Variants in TENM4 observed in about 807,000 individuals in gnomAD.
TENM4 encodes the protein teneurin-4.
A neutral mutation model predicts 243.3 loss-of-function variants in TENM4; 82 were observed. That is an observed-to-expected ratio of 0.34 (90% CI 0.28 to 0.40). TENM4 has a LOEUF of 0.40. TENM4 is among the 10% of genes least tolerant of loss of function. The pLI, the probability that TENM4 is intolerant of heterozygous loss-of-function variation, is 1.00. For synonymous variants in TENM4, 1,412 were observed against 1,456.3 expected (o/e 0.97, Z 0.69); for missense variants, 3,138 against 3,673.3 (o/e 0.85, Z 3.77).
chr11:79,008,982 T>A (rs1858571053), intron 6 of TENM4, among the ~76,000 whole-genome samples: 2 of 152,234 alleles, frequency 1.3e-5, no homozygotes, highest in South Asian at 4.1e-4. Flanking sequence ...CATCTCTTAG[T>A]GTTTTAGTTT....
chr11:79,084,023 GAAAC>G (rs1490593538), intron 4 of TENM4, among the ~76,000 whole-genome samples: 1 of 152,054 alleles, frequency 6.6e-6, no homozygotes, highest in Admixed American at 6.6e-5. Context: ...GCAACAGTGA[GAAAC>G]AAACAATCCA....
At chr11:79,268,663 G>A (rs566870220) in intron 2 of TENM4, among the ~76,000 whole-genome samples, 10 of 152,296 alleles carry the variant, frequency 6.6e-5, no homozygotes, top group African/African-American at 2.2e-4. Flanking sequence ...CTCATCAGGT[G>A]CAAAGTTCCC....
chr11:79,215,239 T>C (rs1424167482), intron 3 of TENM4, among the ~76,000 whole-genome samples: 2 of 152,212 alleles, frequency 1.3e-5, no homozygotes, highest in South Asian at 4.1e-4. Context: ...CTGCTGTTTT[T>C]TTCATTGCTT....
chr11:79,083,246 A>T (rs1860722854), intron 4 of TENM4, among the ~76,000 whole-genome samples: 1 of 152,236 alleles, frequency 6.6e-6, no homozygotes, highest in Admixed American at 6.5e-5. Flanking sequence ...AATAGGCCCC[A>T]GCCTCACAGC....
At chr11:78,940,402 T>C (rs1183957705) in intron 6 of TENM4, among the ~76,000 whole-genome samples, 1 of 152,226 alleles carries the variant, frequency 6.6e-6, no homozygotes, top group African/African-American at 2.4e-5. Context: ...GTAGGCTAAG[T>C]CCCACATTAA....
At chr11:79,040,647 C>T (rs1348529671) in intron 6 of TENM4, among the ~76,000 whole-genome samples, 1 of 152,304 alleles carries the variant, frequency 6.6e-6, no homozygotes, top group Admixed American at 6.5e-5. Flanking sequence ...TCTTGGCCAG[C>T]ACAGCCTGGA....
intron 1 of TENM4, among the ~76,000 whole-genome samples, chr11:79,323,785 C>A (rs896988120): frequency 5.3e-5 from 8 of 152,178 alleles, no homozygotes; most frequent in Non-Finnish European, 1.2e-4. Flanking sequence ...GGGTTTCTAG[C>A]TTGCTTGCCC....
chr11:79,419,903 G>A (rs1256470731), intron 1 of TENM4, among the ~76,000 whole-genome samples: 4 of 152,126 alleles, frequency 2.6e-5, no homozygotes, highest in Admixed American at 2.6e-4. Flanking sequence ...ATACAAGGTG[G>A]GTGCGGGGAG....
rs574963596 is a variant in TENM4, at chr11:79,438,686, C to T, written c.-321+1823G>A. On this transcript the variant is annotated intron_variant, in intron 1 of 33. Coordinates refer to ENST00000278550, the MANE Select transcript of TENM4 (RefSeq NM_001098816.3). This position sits in a 1 kb window ranked among gnomAD's most constrained non-coding sequence, Gnocchi z 4.1. ...GGAAAAGAGGGGCTTTGGGGCTCCC[C>T]AGGACACCAAGTCAGTTTCTGAAAA... 1.1e-4 allele frequency among the ~76,000 whole-genome samples: 17 copies of T among 152,268 alleles called. No homozygotes were observed. In the East Asian group the frequency reaches 3.3e-3, roughly 29 times the overall value.
chr11:79,078,524 C>T (rs952387565), intron 4 of TENM4, among the ~76,000 whole-genome samples: 2 of 152,110 alleles, frequency 1.3e-5, no homozygotes, highest in African/African-American at 2.4e-5. Flanking sequence ...GAAGGAGGCA[C>T]TCCTATCCCC....
chr11:78,762,941 A>G (rs899665535), intron 18 of TENM4, among the ~76,000 whole-genome samples: 1 of 152,198 alleles, frequency 6.6e-6, no homozygotes, highest in African/African-American at 2.4e-5. Flanking sequence ...CTAGAAACAT[A>G]TTAATACACA....
intron 9 of TENM4, among the ~76,000 whole-genome samples, chr11:78,879,700 T>A (rs1859377657): frequency 6.8e-6 from 1 of 147,176 alleles, no homozygotes; most frequent in South Asian, 2.2e-4. Flanking sequence ...GGCAGCCCCA[T>A]CTGGGAACTG....
At chr11:79,164,733 A>G (rs1308188565) in intron 3 of TENM4, among the ~76,000 whole-genome samples, 2 of 151,462 alleles carry the variant, frequency 1.3e-5, no homozygotes, top group Non-Finnish European at 2.9e-5. Flanking sequence ...TATTCTCATG[A>G]TAGTCAAAAA....
At chr11:79,263,341 C>T (rs375725984) in intron 2 of TENM4, among the ~76,000 whole-genome samples, 12 of 152,300 alleles carry the variant, frequency 7.9e-5, no homozygotes, top group African/African-American at 2.9e-4. Context: ...CTGGCCTTGT[C>T]TGTAAGTCAA....
intron 6 of TENM4, among the ~76,000 whole-genome samples, chr11:78,976,759 C>A (rs868790124): frequency 1.3e-5 from 2 of 152,112 alleles, no homozygotes; most frequent in African/African-American, 2.4e-5. Flanking sequence ...AAGCAGGAAC[C>A]CTTCAGGCAG....
chr11:79,349,189 A>T (rs1381209097), intron 1 of TENM4, among the ~76,000 whole-genome samples: 2 of 151,958 alleles, frequency 1.3e-5, no homozygotes, highest in Non-Finnish European at 2.9e-5. Context: ...TGAAATTGTC[A>T]CCCCATTTAC....
intron 3 of TENM4, among the ~76,000 whole-genome samples, chr11:79,207,512 C>A (rs923591790): frequency 6.6e-6 from 1 of 152,030 alleles, no homozygotes; most frequent in Non-Finnish European, 1.5e-5. Context: ...GTAGAAAAGC[C>A]CAGATTTGAA....
chr11:78,878,883 A>G (rs1859338308), intron 9 of TENM4, among the ~76,000 whole-genome samples: 2 of 152,266 alleles, frequency 1.3e-5, no homozygotes. Context: ...AATGCCAAAG[A>G]ACTGGAAACA....
chr11:79,209,290 C>A (rs1453938518), intron 3 of TENM4, among the ~76,000 whole-genome samples: 1 of 152,174 alleles, frequency 6.6e-6, no homozygotes. Flanking sequence ...TCTGCTAACC[C>A]CAACCCGGCC....
Sources: gnomAD v4.1 joint callset for allele counts (sites outside exome capture counted in the v4.1 genomes callset) on GRCh38, gnomAD v4.1.1 for gene constraint, Gnocchi (gnomAD v3.1) non-coding constraint, MANE v1.5 for transcripts, NCBI Gene and HGNC (gene_info 2026-07-23, HGNC 2026-07-21) for gene names.